Variants in ANKRD30B observed in about 807,000 individuals in gnomAD.
ANKRD30B encodes the protein ankyrin repeat domain-containing protein 30B.
A neutral mutation model predicts 202.2 loss-of-function variants in ANKRD30B; 144 were observed. The observed-to-expected ratio is 0.71, with a 90% CI of 0.62 to 0.82. The LOEUF (loss-of-function observed/expected upper bound fraction) is 0.82. ANKRD30B is among the 40% of genes least tolerant of loss of function. The pLI is 0.00. For synonymous variants in ANKRD30B, 508 were observed against 561.3 expected (o/e 0.91, Z 1.34); for missense variants, 1,487 against 1,669.1 (o/e 0.89, Z 1.90).
intron 6 of ANKRD30B, among the ~76,000 whole-genome samples, chr18:14,762,516 T>C (rs569801742): frequency 6.6e-6 from 1 of 152,332 alleles, no homozygotes; most frequent in Admixed American, 6.5e-5. Flanking sequence ...GTCTCACTAT[T>C]ATCAACTTCA....
chr18:14,866,595 G>A, the ANKRD30B span, among the ~76,000 whole-genome samples: 1 of 152,282 alleles, frequency 6.6e-6, no homozygotes, highest in Middle Eastern at 3.4e-3. Flanking sequence ...GTTGGTGGTG[G>A]CAACGGAGAC....
At chr18:14,858,760 G>T (rs549245997), downstream of ANKRD30B, among the ~76,000 whole-genome samples, 14 of 117,274 alleles carry the variant, frequency 1.2e-4, no homozygotes, top group East Asian at 5.2e-4. Context: ...ACCTCCCAGG[G>T]GGGGCAGCCA....
Position 14,847,047 on chromosome 18 carries a change from G to GTT in ANKRD30B, c.3182-1666_3182-1665dup, listed in dbSNP as rs1187212324. Among the ~76,000 whole-genome samples the GTT allele has an allele frequency of 7.2e-3, 538 of 75,194 alleles. 6 individuals carry two copies. Among genetic ancestry groups the GTT allele is most frequent in the African/African-American group, 0.024 (495 of 20,692 alleles). 49.3% of individuals were successfully genotyped at this position (75,194 alleles called of 152,430 possible). ...CTAGTTTAGTAATTTTTATGATTTA[G>GTT]TTTTATATATATATATATATATATA... On this transcript the variant is annotated intron_variant, in intron 39 of 43. Transcript: ENST00000690538.
At chr18:14,806,134 G>T (rs1302539192) in intron 24 of ANKRD30B, among the ~76,000 whole-genome samples, 1 of 149,452 alleles carries the variant, frequency 6.7e-6, no homozygotes, top group African/African-American at 2.5e-5. Flanking sequence ...GCAGGAGAAT[G>T]GCCTGAACCC....
the ANKRD30B span, chr18:14,883,423 A>C: frequency 8.9e-5 from 2 of 22,574 alleles, no homozygotes; most frequent in African/African-American, 2.5e-4. Context: ...ATATATATAT[A>C]TATCTATATA....
At chr18:14,847,617 T>C (rs1047301232) in intron 39 of ANKRD30B, among the ~76,000 whole-genome samples, 6 of 148,624 alleles carry the variant, frequency 4.0e-5, no homozygotes, top group African/African-American at 1.5e-4. Context: ...TTTAAAAGTA[T>C]CTTCTATTGC....
chr18:14,899,612 G>T, the ANKRD30B span, among the ~76,000 whole-genome samples: 1 of 152,072 alleles, frequency 6.6e-6, no homozygotes, highest in East Asian at 1.9e-4. Context: ...CAATATGATT[G>T]TCACAATATT....
intron 14 of ANKRD30B, among the ~76,000 whole-genome samples, chr18:14,785,132 A>G (rs1054609548): frequency 6.6e-6 from 1 of 152,166 alleles, no homozygotes; most frequent in African/African-American, 2.4e-5. Context: ...TGATAAACAC[A>G]TTTTTCCTAA....
chr18:14,772,074 T>G, intron 8 of ANKRD30B, 82 bp from the exon 9 acceptor site: 1 of 799,494 alleles, frequency 1.3e-6, no homozygotes, highest in Non-Finnish European at 1.8e-6. Context: ...TTTTATAGAG[T>G]GAGCACCAAG....
At chr18:14,867,148 G>T in the ANKRD30B span, among the ~76,000 whole-genome samples, 2 of 133,364 alleles carry the variant, frequency 1.5e-5, no homozygotes, top group Admixed American at 1.5e-4. Flanking sequence ...TGGGGGGCGG[G>T]TTTGATGGGG....
chr18:14,854,089 A>T (rs1254343914), intron 43 of ANKRD30B, among the ~76,000 whole-genome samples, 103 bp from the exon 44 acceptor site: 3 of 152,112 alleles, frequency 2.0e-5, no homozygotes, highest in African/African-American at 7.2e-5. Flanking sequence ...CTTCTTTTAT[A>T]TGTTCATTAT....
Position 14,809,947 on chromosome 18 carries a change from C to T in ANKRD30B, c.2387-39C>T, listed in dbSNP as rs28475868. ...TGAACATTTGGTAGGCTTTGTCAGG[C>T]TTGCATATAATCAATTATATATGTC... On this transcript the variant is annotated intron_variant, in intron 26 of 43. Transcript: ENST00000690538. The T allele has an allele frequency of 3.0e-3, 4,186 of 1,390,250 alleles. 230 individuals are homozygous for T. In the African/African-American group the frequency reaches 0.05, roughly 17 times the overall value. 86.1% of individuals were successfully genotyped at this position (1,390,250 alleles called of 1,614,324 possible).
At chr18:14,874,601 A>G in the ANKRD30B span, among the ~76,000 whole-genome samples, 1 of 152,214 alleles carries the variant, frequency 6.6e-6, no homozygotes, top group Non-Finnish European at 1.5e-5. Flanking sequence ...AGCCAAAAAA[A>G]AAAGTGTTTA....
At chr18:14,938,264 A>T in the ANKRD30B span, among the ~76,000 whole-genome samples, 2 of 152,242 alleles carry the variant, frequency 1.3e-5, no homozygotes, top group Non-Finnish European at 2.9e-5. Flanking sequence ...TAAACAAGAA[A>T]ATAAATGCAA....
intron 34 of ANKRD30B, among the ~76,000 whole-genome samples, chr18:14,836,916 C>T (rs1394107435): frequency 6.6e-6 from 1 of 151,986 alleles, no homozygotes; most frequent in African/African-American, 2.4e-5. Flanking sequence ...TTTTTCTCTC[C>T]TTTGTGCCCT....
At chr18:14,786,928 G>T in intron 14 of ANKRD30B, 111 bp from the exon 15 acceptor site, 1 of 1,077,108 alleles carries the variant, frequency 9.3e-7, no homozygotes. Context: ...GAATATACAG[G>T]CTACAGAGGA....
At chr18:14,754,829 A>C in intron 3 of ANKRD30B, 70 bp from the exon 4 acceptor site, 1 of 1,066,066 alleles carries the variant, frequency 9.4e-7, no homozygotes. Flanking sequence ...ATAGGATATA[A>C]TATAAGGTAT....
At chr18:14,867,293 G>A in the ANKRD30B span, among the ~76,000 whole-genome samples, 1 of 146,088 alleles carries the variant, frequency 6.8e-6, no homozygotes, top group East Asian at 2.1e-4. Context: ...GGCACAATCT[G>A]GGGGCTAAGC....
intron 6 of ANKRD30B, among the ~76,000 whole-genome samples, chr18:14,762,194 T>A (rs894461078): frequency 1.3e-5 from 2 of 152,222 alleles, no homozygotes; most frequent in Admixed American, 1.3e-4. Context: ...GAGATTTGTC[T>A]TGCCATCTTG....
Sources: allele counts gnomAD v4.1 joint callset (sites outside exome capture counted in the v4.1 genomes callset), GRCh38; gene constraint gnomAD v4.1.1; transcripts MANE v1.5; gene names NCBI Gene and HGNC (gene_info 2026-07-23, HGNC 2026-07-21).